The following ABCA1 variants were observed in gnomAD, a reference collection of about 807,000 sequenced individuals.
The protein encoded by ABCA1 is ATP binding cassette subfamily A member 1.
Under a neutral mutation model 262.5 loss-of-function variants are expected in ABCA1, and 133 were observed. The observed-to-expected ratio is 0.51, with a 90% CI of 0.44 to 0.59. The LOEUF (loss-of-function observed/expected upper bound fraction) is 0.59, where lower values mean the gene tolerates loss of function less well. ABCA1 is among the 20% of genes least tolerant of loss of function. The pLI, the probability that ABCA1 is intolerant of heterozygous loss-of-function variation, is 0.00. For missense variants in ABCA1, 2,452 were observed against 2,777.5 expected, an observed-to-expected ratio of 0.88 and a Z score of 2.63; for synonymous variants, 1,022 against 1,043.5, an observed-to-expected ratio of 0.98 and a Z score of 0.40.
At chr9:104,802,791 C>T (rs1206976910) in intron 33 of ABCA1, among the ~76,000 whole-genome samples, 1 of 152,192 alleles carries the variant, frequency 6.6e-6, no homozygotes, top group African/African-American at 2.4e-5. Context: ...CCCAGAAGGA[C>T]AAATGGGTTG....
At chr9:104,793,324 C>T (rs745645245) in intron 40 of ABCA1, 24 bp from the exon 41 acceptor site, 33 of 1,613,918 alleles carry the variant, frequency 2.0e-5, no homozygotes, top group Admixed American at 6.7e-5. Flanking sequence ...TGCAGAGATC[C>T]GGTCAGAATG....
At chr9:104,907,219 G>A (rs1841209168) in intron 1 of ABCA1, among the ~76,000 whole-genome samples, 1 of 152,140 alleles carries the variant, frequency 6.6e-6, no homozygotes, top group East Asian at 1.9e-4. Context: ...GAGTTCTCTT[G>A]TCCTAAGACA....
chr9:104,882,770 T>TC (rs1205573285), intron 5 of ABCA1, among the ~76,000 whole-genome samples: 1 of 152,236 alleles, frequency 6.6e-6, no homozygotes, highest in Non-Finnish European at 1.5e-5. Context: ...CCCCTAGCTG[T>TC]CCCTAAGGCC....
At chr9:104,875,674 A>G (rs917909256) in intron 5 of ABCA1, among the ~76,000 whole-genome samples, 1 of 152,104 alleles carries the variant, frequency 6.6e-6, no homozygotes, top group Non-Finnish European at 1.5e-5. Flanking sequence ...AAAAAAAGGT[A>G]TTTCAGAATC....
intron 11 of ABCA1, among the ~76,000 whole-genome samples, chr9:104,835,246 CAAA>C (rs201375651): frequency 6.0e-5 from 6 of 99,214 alleles, no homozygotes; most frequent in Non-Finnish European, 4.6e-5. Context: ...AGACTCTGTC[CAAA>C]AAAAAAAAAA....
intron 25 of ABCA1, among the ~76,000 whole-genome samples, chr9:104,815,184 T>C (rs1181273803): frequency 3.3e-5 from 5 of 152,162 alleles, no homozygotes; most frequent in Admixed American, 6.5e-5. Context: ...ACTAGAAATA[T>C]GATGGCAGCA....
chr9:104,818,905 A>T (rs1349543312), intron 22 of ABCA1, 22 bp from the exon 23 acceptor site: 5 of 1,597,316 alleles, frequency 3.1e-6, no homozygotes, highest in Non-Finnish European at 4.3e-6. Context: ...AAACACAAGG[A>T]TGTGGGACAG....
intron 36 of ABCA1, chr9:104,799,584 C>T (rs1388007193): frequency 2.0e-6 from 2 of 985,116 alleles, no homozygotes; most frequent in African/African-American, 3.5e-5. Context: ...TATATGAATT[C>T]ACTAAATGTT....
intron 1 of ABCA1, among the ~76,000 whole-genome samples, chr9:104,905,819 T>C (rs961100100): frequency 6.6e-6 from 1 of 152,084 alleles, no homozygotes; most frequent in African/African-American, 2.4e-5. Flanking sequence ...TCTCTTGAAA[T>C]CCCCAAGGTA....
rs1339408432 is a variant in ABCA1, at chr9:104,783,119, C to CT, written c.*1195dup. 2 of 152,242 alleles carry CT rather than the reference C, an allele frequency of 1.3e-5. No homozygotes were observed. The highest frequency in any genetic ancestry group is 4.1e-4 in the South Asian group (2 of 4,832). 9.4% of individuals were successfully genotyped at this position (152,242 alleles called of 1,614,324 possible). On this transcript the variant is annotated 3_prime_UTR_variant, in exon 50 of 50. Transcript: ENST00000374736. Reference sequence around the variant, plus strand: ...TCATGAGATCCTGACCATCACATTGCTTTCTAGGCACTAGTCATGACTGAT... The same window carrying CT: ...TCATGAGATCCTGACCATCACATTGCTTTTCTAGGCACTAGTCATGACTGAT...
intron 1 of ABCA1, among the ~76,000 whole-genome samples, chr9:104,905,847 A>C (rs1841088533): frequency 6.6e-6 from 1 of 152,214 alleles, no homozygotes; most frequent in Non-Finnish European, 1.5e-5. Flanking sequence ...GGAGGGGACA[A>C]TTAAAAAAGG....
In ABCA1 at chr9:104,818,851, C is replaced by A. The variant is rs1290195206; in HGVS notation, c.3274G>T (p.Asp1092Tyr). ...CTGTCCCCCAGGACGTCCGCTTCAT[C>A]CATGTGGTGTGTAGAGAGAATAATG... ...RTIILSTHHM[D>Y]EADVLGDRIA... Residue 1092 changes from aspartate to tyrosine, a missense_variant, in exon 23 of 50, where the codon GAT becomes TAT. Transcript: ENST00000374736. The A allele has an allele frequency of 6.2e-7, 1 of 1,613,882 alleles. No homozygotes were observed. Among genetic ancestry groups the A allele is most frequent in the African/African-American group, 1.3e-5 (1 of 75,032 alleles).
intron 6 of ABCA1, among the ~76,000 whole-genome samples, chr9:104,860,745 T>G (rs1307329416): frequency 6.7e-6 from 1 of 149,578 alleles, no homozygotes; most frequent in African/African-American, 2.5e-5. Context: ...TTTCCTGATT[T>G]TATAAAATTC....
At chr9:104,838,828 T>C (rs1377226130) in intron 9 of ABCA1, among the ~76,000 whole-genome samples, 1 of 151,928 alleles carries the variant, frequency 6.6e-6, no homozygotes, top group East Asian at 1.9e-4. Flanking sequence ...TTTTTTTTAA[T>C]GAGGATGCCC....
intron 5 of ABCA1, among the ~76,000 whole-genome samples, chr9:104,880,536 T>G (rs978269554): frequency 6.6e-6 from 1 of 151,380 alleles, no homozygotes; most frequent in African/African-American, 2.4e-5. Flanking sequence ...AAAAATAAAT[T>G]TAAACAAATA....
chr9:104,845,634 A>AAAC (rs1834802995), intron 7 of ABCA1, 65 bp from the exon 8 acceptor site: 2 of 1,146,818 alleles, frequency 1.7e-6, no homozygotes, highest in Non-Finnish European at 2.6e-6. Flanking sequence ...TATTGGAAAT[A>AAAC]AACAAGTGAA....
At chr9:104,800,860 C>T (rs968617304) in intron 34 of ABCA1, among the ~76,000 whole-genome samples, 11 of 152,050 alleles carry the variant, frequency 7.2e-5, no homozygotes, top group African/African-American at 1.7e-4. Context: ...CTGGTTATCA[C>T]GGTGGGGTGA....
chr9:104,810,737 C>G (rs1564111390), intron 29 of ABCA1, 63 bp downstream of exon 29: 28 of 1,612,938 alleles, frequency 1.7e-5, no homozygotes, highest in Non-Finnish European at 2.0e-5. Context: ...TCCCTTGGCC[C>G]TCGTAAACAT....
chr9:104,864,608 C>G (rs1836922160), intron 5 of ABCA1, among the ~76,000 whole-genome samples: 1 of 152,126 alleles, frequency 6.6e-6, no homozygotes, highest in South Asian at 2.1e-4. Flanking sequence ...TGTGAAACCT[C>G]AACAGAAACA....
Sources: allele counts gnomAD v4.1 joint callset (sites outside exome capture counted in the v4.1 genomes callset), GRCh38; gene constraint gnomAD v4.1.1; transcripts MANE v1.5; gene names NCBI Gene and HGNC (gene_info 2026-07-23, HGNC 2026-07-21).